The following FAM177A1 variants were observed in gnomAD, a reference collection of about 807,000 sequenced individuals.
FAM177A1 encodes protein FAM177A1.
A neutral mutation model predicts 26.1 loss-of-function variants in FAM177A1; 22 were observed. The observed-to-expected ratio is 0.84, with a 90% CI of 0.60 to 1.20. The LOEUF is 1.20. Ranked by LOEUF, FAM177A1 falls within the 50% of genes most tolerant of loss-of-function variation. The pLI is 0.00. For synonymous variants in FAM177A1, 95 were observed against 99.3 expected, an observed-to-expected ratio of 0.96 and a Z score of 0.26; for missense variants, 296 against 291.1, an observed-to-expected ratio of 1.02 and a Z score of -0.12.
chr14:35,061,377 G>A (rs2045152060), intron 2 of FAM177A1, among the ~76,000 whole-genome samples: 1 of 151,528 alleles, frequency 6.6e-6, no homozygotes, highest in Non-Finnish European at 1.5e-5. Context: ...AGCTGGGGGT[G>A]GGGACAATGG....
intron 2 of FAM177A1, among the ~76,000 whole-genome samples, chr14:35,074,335 A>G (rs778898360): frequency 6.6e-6 from 1 of 151,340 alleles, no homozygotes; most frequent in Non-Finnish European, 1.5e-5. Context: ...TATTTATTTT[A>G]TTTATTTAGA....
At chr14:35,053,937 G>A (rs949490518) in intron 2 of FAM177A1, among the ~76,000 whole-genome samples, 1 of 152,106 alleles carries the variant, frequency 6.6e-6, no homozygotes, top group African/African-American at 2.4e-5. Context: ...AGGTTGCGGT[G>A]AACCAAGGTT....
At chr14:35,077,263 C>T (rs2045410742) in intron 3 of FAM177A1, 47 bp downstream of exon 3, 3 of 1,541,416 alleles carry the variant, frequency 1.9e-6, no homozygotes, top group Non-Finnish European at 2.7e-6. Flanking sequence ...TAACATGCTT[C>T]AGCAACAGGA....
intron 2 of FAM177A1, among the ~76,000 whole-genome samples, chr14:35,069,473 C>T (rs911460229): frequency 5.3e-5 from 8 of 151,920 alleles, no homozygotes; most frequent in African/African-American, 1.7e-4. Flanking sequence ...TTAGTAGAGA[C>T]GGGGTTTTGC....
rs1306892027 is a variant in FAM177A1 at position 35,047,031 on chromosome 14, A to G, written c.165+403A>G. 3.0e-6 allele frequency: 3 copies of G among 1,005,426 alleles called. No individual in the cohort carries two copies. In the African/African-American group the frequency reaches 5.2e-5, roughly 17 times the overall value. 62.3% of individuals were successfully genotyped at this position (1,005,426 alleles called of 1,614,324 possible). On this transcript the variant is annotated intron_variant, in intron 1 of 4. Transcript: ENST00000280987. ...TGGGCATCTGCCCTTTGCTTGGCATATGCCAAACGTTTACCAGCTTTAATT... is the reference window on the plus strand; with the variant it reads ...TGGGCATCTGCCCTTTGCTTGGCATGTGCCAAACGTTTACCAGCTTTAATT...
At position 35,074,928 on chromosome 14, in the gene FAM177A1, T is replaced by C. The variant is rs188409408; in HGVS notation, c.340-2222T>C. On this transcript the variant is annotated intron_variant, in intron 2 of 4. Transcript: ENST00000280987. ...GGTGCACGTCTGTAATCCCAGCTAC[T>C]CGTGAGGCTGAGGCACAAGAGTCAC... Among the ~76,000 whole-genome samples the C allele has an allele frequency of 3.9e-5, 6 of 152,074 alleles. No homozygotes were observed. In the East Asian group the frequency reaches 1.2e-3, roughly 30 times the overall value.
chr14:35,065,157 A>G (rs973642836), intron 2 of FAM177A1, among the ~76,000 whole-genome samples: 2 of 151,466 alleles, frequency 1.3e-5, no homozygotes, highest in South Asian at 2.1e-4. Flanking sequence ...TTAAATAACT[A>G]TAATATTTTT....
At chr14:35,059,094 C>G (rs553226689) in intron 2 of FAM177A1, among the ~76,000 whole-genome samples, 10 of 151,854 alleles carry the variant, frequency 6.6e-5, no homozygotes, top group African/African-American at 2.4e-4. Flanking sequence ...TGCCACCACA[C>G]CCAGCTAATT....
chr14:35,059,391 C>A (rs985756907), intron 2 of FAM177A1, among the ~76,000 whole-genome samples: 1 of 151,948 alleles, frequency 6.6e-6, no homozygotes, highest in Non-Finnish European at 1.5e-5. Context: ...AGTTGTTAAT[C>A]CATTCATATT....
upstream of FAM177A1, among the ~76,000 whole-genome samples, chr14:35,045,803 C>A (rs1007943483): frequency 6.6e-6 from 1 of 152,226 alleles, no homozygotes; most frequent in Admixed American, 6.5e-5. Flanking sequence ...TGGAAGCTTA[C>A]TACTGCCCTT....
intron 2 of FAM177A1, among the ~76,000 whole-genome samples, chr14:35,059,213 C>A (rs944792612): frequency 7.2e-5 from 11 of 152,234 alleles, no homozygotes; most frequent in African/African-American, 2.4e-5. Context: ...GTGTGAGCCA[C>A]CACGCCTGGC....
Position 35,083,178 on chromosome 14 carries a change from G to C in FAM177A1, c.*1950G>C, listed in dbSNP as rs2045512962. The C allele has an allele frequency of 1.3e-5, 2 of 152,554 alleles. No individual in the cohort carries two copies. The highest frequency in any genetic ancestry group is 2.1e-4 in the South Asian group (1 of 4,832). The allele number at this position is 152,554 out of a possible 1,614,324, so 9.5% of individuals were successfully genotyped here. A position where few individuals can be genotyped will look rare whatever the true frequency, so the allele number is the denominator to read the frequency against. ...TGATCTTCTGAATCCTGTCTCCCTA[G>C]AGGTACTAGTATCTAGAGTTTACCC... On this transcript the variant is annotated 3_prime_UTR_variant, in exon 5 of 5. Coordinates refer to ENST00000280987, the MANE Select transcript of FAM177A1 (RefSeq NM_173607.5).
At chr14:35,056,450 G>T (rs1595041290) in intron 2 of FAM177A1, among the ~76,000 whole-genome samples, 1 of 152,170 alleles carries the variant, frequency 6.6e-6, no homozygotes, top group African/African-American at 2.4e-5. Context: ...CTGCCTCCTG[G>T]GTTCAAGCAA....
intron 3 of FAM177A1, among the ~76,000 whole-genome samples, 177 bp from the exon 4 acceptor site, chr14:35,078,750 A>G (rs770394464): frequency 1.3e-5 from 2 of 152,202 alleles, no homozygotes; most frequent in Non-Finnish European, 2.9e-5. Context: ...TTTTGAAGCC[A>G]CCGGTACTTC....
At chr14:35,046,827 T>C in intron 1 of FAM177A1, 199 bp downstream of exon 1, 1 of 1,364,898 alleles carries the variant, frequency 7.3e-7, no homozygotes, top group Non-Finnish European at 9.4e-7. Flanking sequence ...CACCAACCCC[T>C]TGGCTGGCAG....
chr14:35,051,128 T>G (rs1324082494), intron 1 of FAM177A1, among the ~76,000 whole-genome samples: 2 of 152,196 alleles, frequency 1.3e-5, no homozygotes, highest in African/African-American at 4.8e-5. Context: ...GTTTATTATT[T>G]TTATTTTTTG....
intron 1 of FAM177A1, among the ~76,000 whole-genome samples, chr14:35,048,891 CT>C (rs71435848): frequency 0.028 from 3,899 of 138,814 alleles, 55 homozygotes; most frequent in East Asian, 0.037. Context: ...TTGTGACATT[CT>C]TTTTTTTTTT....
chr14:35,046,825 C>A (rs1341085281), intron 1 of FAM177A1, 197 bp downstream of exon 1: 2 of 1,367,696 alleles, frequency 1.5e-6, no homozygotes, highest in African/African-American at 3.0e-5. Context: ...CTCACCAACC[C>A]CTTGGCTGGC....
chr14:35,051,401 G>A (rs1311858910), intron 1 of FAM177A1, among the ~76,000 whole-genome samples: 2 of 151,810 alleles, frequency 1.3e-5, no homozygotes, highest in Admixed American at 1.3e-4. Flanking sequence ...ATAGGCCTGA[G>A]CCACAGCACC....
Sources: gnomAD v4.1 joint callset for allele counts (sites outside exome capture counted in the v4.1 genomes callset) on GRCh38, gnomAD v4.1.1 for gene constraint, MANE v1.5 for transcripts, NCBI Gene and HGNC (gene_info 2026-07-23, HGNC 2026-07-21) for gene names.